The following ZMAT5 variants were observed in gnomAD, a reference collection of about 807,000 sequenced individuals.
ZMAT5 encodes zinc finger matrin-type protein 5.
ZMAT5 carries 23 observed loss-of-function variants against 28.0 expected under a neutral mutation model. That is an observed-to-expected ratio of 0.82 (90% CI 0.59 to 1.16). ZMAT5 has a LOEUF of 1.16. ZMAT5 is among the 50% of genes most tolerant of loss of function. ZMAT5 has a pLI of 0.00. For missense variants in ZMAT5, 173 were observed against 212.7 expected, an observed-to-expected ratio of 0.81 and a Z score of 1.16; for synonymous variants, 76 against 84.1, an observed-to-expected ratio of 0.90 and a Z score of 0.52.
chr22:29,749,001 A>G (rs899493103), intron 1 of ZMAT5, among the ~76,000 whole-genome samples: 2 of 151,910 alleles, frequency 1.3e-5, no homozygotes, highest in African/African-American at 4.8e-5. Flanking sequence ...TTTAAAGTCT[A>G]TCAGGTGATT....
rs556154908 is a variant in ZMAT5, at chr22:29,757,056, T to A, written c.-27-8485A>T. Among the ~76,000 whole-genome samples the A allele has an allele frequency of 2.6e-5, 4 of 151,734 alleles. No homozygotes were observed. The South Asian group carries it at 6.2e-4, about 24-fold the overall frequency. On this transcript the variant is annotated intron_variant, in intron 1 of 5. Coordinates refer to ENST00000344318, the MANE Select transcript of ZMAT5 (RefSeq NM_001003692.2). ...TATCTCAAAAAATATATATATTTTT[T>A]AATTAAAAAATTAGCTAGGTATGAT...
intron 1 of ZMAT5, among the ~76,000 whole-genome samples, chr22:29,755,198 G>A (rs1037949849): frequency 6.6e-5 from 10 of 152,024 alleles, no homozygotes; most frequent in Non-Finnish European, 1.3e-4. Flanking sequence ...AGGAGGCTGA[G>A]GCAGGAGAAT....
At chr22:29,749,155 G>A (rs540323673) in intron 1 of ZMAT5, among the ~76,000 whole-genome samples, 2 of 152,200 alleles carry the variant, frequency 1.3e-5, no homozygotes, top group East Asian at 1.9e-4. Flanking sequence ...ACGGCTTACT[G>A]TAGCTTTAAC....
At chr22:29,758,328 G>C (rs1214423368) in intron 1 of ZMAT5, among the ~76,000 whole-genome samples, 5 of 152,174 alleles carry the variant, frequency 3.3e-5, no homozygotes, top group Admixed American at 3.3e-4. Context: ...AAAGTTTGTT[G>C]CTTTAGGTTG....
At chr22:29,741,034 C>G (rs1341189168) in intron 3 of ZMAT5, among the ~76,000 whole-genome samples, 1 of 152,180 alleles carries the variant, frequency 6.6e-6, no homozygotes, top group Non-Finnish European at 1.5e-5. Flanking sequence ...GTCTCTGTCA[C>G]CAGCCCTCCC....
Position 29,748,341 on chromosome 22 carries a change from C to T in ZMAT5, c.127+77G>A, listed in dbSNP as rs557229683. The T allele has an allele frequency of 1.6e-5, 25 of 1,604,014 alleles. No individual in the cohort carries two copies. In the African/African-American group the frequency reaches 2.1e-4, roughly 14 times the overall value. On this transcript the variant is annotated intron_variant, in intron 2 of 5. Coordinates refer to ENST00000344318, the MANE Select transcript of ZMAT5 (RefSeq NM_001003692.2). ...GAGCCCAGACCTAGACTGTCACTGACCCACAGGAGTCTTTGATGATAAGAA... is the reference window on the plus strand; with the variant it reads ...GAGCCCAGACCTAGACTGTCACTGATCCACAGGAGTCTTTGATGATAAGAA...
At chr22:29,734,938 G>A (rs142579334) in intron 5 of ZMAT5, among the ~76,000 whole-genome samples, 7 of 152,294 alleles carry the variant, frequency 4.6e-5, no homozygotes, top group African/African-American at 7.2e-5. Context: ...AGGATCCCCC[G>A]CGGGAGCAGA....
At chr22:29,731,709 A>G in intron 5 of ZMAT5, 1 of 222,170 alleles carries the variant, frequency 4.5e-6, no homozygotes, top group African/African-American at 2.3e-5. Flanking sequence ...TGATGAGGAA[A>G]GACATACTGT....
At chr22:29,751,319 C>G (rs751402427) in intron 1 of ZMAT5, among the ~76,000 whole-genome samples, 4 of 152,144 alleles carry the variant, frequency 2.6e-5, no homozygotes, top group South Asian at 2.1e-4. Context: ...TAGGCCTCTA[C>G]GTTCACTGTG....
chr22:29,731,264 A>G lies in ZMAT5; in HGVS notation c.474T>C (p.Pro158=). ...CTCTGGGCTGCAGAGGCCACCCCCC[A>G]GGTGGGGGTGCCCGCAGGGATGGAG... ...ELPPSLRAPP[P]GGWPLQPRVQ... is the part of the protein sequence containing the mutation. Residue 158 remains proline (P), a synonymous_variant, in exon 6 of 6, where the codon CCT becomes CCC. Transcript: ENST00000344318. 1 of 1,518,714 alleles carries G rather than the reference A, an allele frequency of 6.6e-7. No individual in the cohort carries two copies. Among genetic ancestry groups the G allele is most frequent in the South Asian group, 1.3e-5 (1 of 74,484 alleles). 94.1% of individuals were successfully genotyped at this position (1,518,714 alleles called of 1,614,324 possible). A position where few individuals can be genotyped will look rare whatever the true frequency, so the allele number is the denominator to read the frequency against.
At chr22:29,757,165 G>A (rs9625858) in intron 1 of ZMAT5, among the ~76,000 whole-genome samples, 2,774 of 147,998 alleles carry the variant, frequency 0.019, 38 homozygotes, top group Middle Eastern at 0.038. Flanking sequence ...GCAGTGTGAC[G>A]TGATCACGCC....
chr22:29,745,527 T>C (rs565461109), intron 2 of ZMAT5, among the ~76,000 whole-genome samples: 92 of 152,362 alleles, frequency 6.0e-4, no homozygotes, highest in African/African-American at 2.1e-3. Flanking sequence ...GCCCATGAGA[T>C]GAAGGCTGGA....
chr22:29,740,682 C>T lies in ZMAT5; in HGVS notation c.239G>A (p.Arg80Gln), dbSNP rs766122611. The T allele has an allele frequency of 1.3e-5, 21 of 1,604,936 alleles. No individual in the cohort carries two copies. The highest frequency in any genetic ancestry group is 1.7e-5 in the Non-Finnish European group (20 of 1,176,174). The change falls in exon 4 of 6, where the codon CGA becomes CAA. Residue 80 changes from arginine (R) to glutamine (Q), a missense_variant. Physicochemically the swap from Arg to Gln is conservative, Grantham distance 43. Coordinates refer to ENST00000344318, the MANE Select transcript of ZMAT5 (RefSeq NM_001003692.2). ...SNCRFSHMSE[R>Q]DLQELSIQVE... Reference sequence around the variant, plus strand: ...CTGGATGCTCAGCTCCTGCAGGTCTCGCTCTGACATGTGGGAAAATCTGCA... The same window carrying T: ...CTGGATGCTCAGCTCCTGCAGGTCTTGCTCTGACATGTGGGAAAATCTGCA...
intron 4 of ZMAT5, among the ~76,000 whole-genome samples, chr22:29,739,620 C>T (rs1307210493): frequency 6.6e-6 from 1 of 152,238 alleles, no homozygotes; most frequent in African/African-American, 2.4e-5. Context: ...TCTCCCCATT[C>T]CTGTCCCCGC....
chr22:29,758,456 C>G lies in ZMAT5; in HGVS notation c.-28+8416G>C, dbSNP rs142169461. Among the ~76,000 whole-genome samples, 17 of 152,182 alleles carry G rather than the reference C, an allele frequency of 1.1e-4. No individual in the cohort carries two copies. In the East Asian group the frequency reaches 2.1e-3, roughly 19 times the overall value. Reference sequence around the variant, plus strand: ...CATAGTAAGACCCTATCTCTACAAACAGTTTGTTTTTTTTAAATTAGCTGG... The same window carrying G: ...CATAGTAAGACCCTATCTCTACAAAGAGTTTGTTTTTTTTAAATTAGCTGG... On this transcript the variant is annotated intron_variant, in intron 1 of 5. Coordinates refer to ENST00000344318, the MANE Select transcript of ZMAT5 (RefSeq NM_001003692.2).
chr22:29,746,476 G>A (rs373188283), intron 2 of ZMAT5: 2 of 152,168 alleles, frequency 1.3e-5, no homozygotes, highest in Admixed American at 6.6e-5. Context: ...AGTAGAGATG[G>A]GGTTTCACTA....
chr22:29,748,695 A>G, intron 1 of ZMAT5, 124 bp from the exon 2 acceptor site: 1 of 1,262,738 alleles, frequency 7.9e-7, no homozygotes, highest in Non-Finnish European at 1.1e-6. Flanking sequence ...CCGCCCCATT[A>G]GGAGTGTCAA....
chr22:29,735,002 G>A (rs1004736678), intron 5 of ZMAT5, among the ~76,000 whole-genome samples: 3 of 152,178 alleles, frequency 2.0e-5, no homozygotes, highest in Admixed American at 6.5e-5. Flanking sequence ...GAGCCAGGGT[G>A]GAGGAAGAAC....
intron 4 of ZMAT5, among the ~76,000 whole-genome samples, chr22:29,739,067 T>C (rs891785042): frequency 6.7e-6 from 1 of 150,016 alleles, no homozygotes; most frequent in African/African-American, 2.4e-5. Context: ...GAATCTGAGG[T>C]GCAGGGAGGC....
Sources: gnomAD v4.1 joint callset for allele counts (sites outside exome capture counted in the v4.1 genomes callset) on GRCh38, gnomAD v4.1.1 for gene constraint, MANE v1.5 for transcripts, NCBI Gene and HGNC (gene_info 2026-07-23, HGNC 2026-07-21) for gene names.